ATAD5: variants seen among roughly 807,000 people sequenced by gnomAD.
The protein encoded by ATAD5 is ATPase family AAA domain-containing protein 5.
Under a neutral mutation model 176.9 loss-of-function variants are expected in ATAD5, and 58 were observed. That is an observed-to-expected ratio of 0.33 (90% CI 0.27 to 0.41). The LOEUF (loss-of-function observed/expected upper bound fraction) is 0.41. Among genes scored for constraint, ATAD5 ranks in the 10% least tolerant of loss-of-function variants. The probability of loss-of-function intolerance (pLI) is 1.00; values close to 1 mark genes in which losing one functional copy is unlikely to be tolerated. For synonymous variants in ATAD5, 640 were observed against 712.6 expected, an observed-to-expected ratio of 0.90 and a Z score of 1.62; for missense variants, 1,789 against 2,094.1, an observed-to-expected ratio of 0.85 and a Z score of 2.84.
intron 1 of ATAD5, among the ~76,000 whole-genome samples, chr17:30,833,911 A>G (rs1424496306): frequency 6.6e-6 from 1 of 152,068 alleles, no homozygotes; most frequent in Non-Finnish European, 1.5e-5. Flanking sequence ...CGAATTCCTG[A>G]CCTCAAGTGA....
At chr17:30,839,764 G>T (rs1449943634) in intron 3 of ATAD5, among the ~76,000 whole-genome samples, 1 of 150,468 alleles carries the variant, frequency 6.6e-6, no homozygotes, top group Non-Finnish European at 1.5e-5. Flanking sequence ...GTTATTTTTA[G>T]TAGAGACGGG....
In ATAD5 at chr17:30,893,717, A is replaced by G; in HGVS notation, c.4864A>G (p.Thr1622Ala). ...CAGAGACAAAGGAAACAATCCAGAG[A>G]CAAAGAAATCTATTCCTTGTCCTCC... Reference protein sequence around the residue: ...KARDKGNNPETKKSIPCPPKT... With the variant: ...KARDKGNNPEAKKSIPCPPKT... Residue 1622 changes from threonine to alanine, a missense_variant, in exon 21 of 23, where the codon ACA becomes GCA. Coordinates refer to ENST00000321990, the MANE Select transcript of ATAD5 (RefSeq NM_024857.5). The G allele has an allele frequency of 6.2e-7, 1 of 1,613,928 alleles. No homozygotes were observed. Among genetic ancestry groups the G allele is most frequent in the Non-Finnish European group, 8.5e-7 (1 of 1,179,918 alleles).
At chr17:30,844,189 C>T (rs1403792204) in intron 5 of ATAD5, 150 bp downstream of exon 5, 8 of 678,914 alleles carry the variant, frequency 1.2e-5, no homozygotes, top group South Asian at 4.0e-5. Context: ...AGTGCAGCGC[C>T]GGCGGGATCT....
intron 20 of ATAD5, 56 bp downstream of exon 20, chr17:30,892,844 A>C (rs1909711042): frequency 1.5e-6 from 2 of 1,331,994 alleles, no homozygotes; most frequent in Non-Finnish European, 2.0e-6. Context: ...CATATTCCCA[A>C]CATTAGCCTC....
At chr17:30,861,293 T>C (rs1446963490) in intron 10 of ATAD5, among the ~76,000 whole-genome samples, 1 of 149,826 alleles carries the variant, frequency 6.7e-6, no homozygotes, top group Non-Finnish European at 1.5e-5. Context: ...CTTCCATTCC[T>C]GGTAAATTCG....
intron 9 of ATAD5, among the ~76,000 whole-genome samples, chr17:30,859,183 G>A (rs1907466250): frequency 6.6e-6 from 1 of 152,084 alleles, no homozygotes; most frequent in Non-Finnish European, 1.5e-5. Context: ...ATTAATCCCC[G>A]CCAGTTTCCA....
intron 18 of ATAD5, among the ~76,000 whole-genome samples, chr17:30,880,050 C>T (rs1264383296): frequency 1.3e-5 from 2 of 151,938 alleles, no homozygotes; most frequent in South Asian, 4.1e-4. Flanking sequence ...GCCTGTAATC[C>T]CAGCACTTTG....
chr17:30,851,080 G>C (rs1343853041), intron 6 of ATAD5, among the ~76,000 whole-genome samples: 1 of 143,050 alleles, frequency 7.0e-6, no homozygotes, highest in Non-Finnish European at 1.5e-5. Flanking sequence ...GTAGAGATGG[G>C]GTTTCACCAT....
chr17:30,862,413 A>G (rs1907696662), intron 10 of ATAD5, among the ~76,000 whole-genome samples: 1 of 152,092 alleles, frequency 6.6e-6, no homozygotes, highest in Admixed American at 6.6e-5. Flanking sequence ...CATGTTTTAC[A>G]TATCTCTGAC....
chr17:30,874,989 T>A (rs572369077), intron 14 of ATAD5, among the ~76,000 whole-genome samples: 2 of 152,222 alleles, frequency 1.3e-5, no homozygotes, highest in African/African-American at 4.8e-5. Context: ...TGTTCTATAT[T>A]TTTGAAATGA....
At position 30,835,125 on chromosome 17, in the gene ATAD5, A is replaced by G. The variant is rs969738988; in HGVS notation, c.1044A>G (p.Gln348=). Residue 348 remains glutamine (Q), a synonymous_variant, in exon 2 of 23, where the codon CAA becomes CAG. Transcript: ENST00000321990. ...CCCGAATTTTCTTGAAACAAAAGCA[A>G]TTTGAAATGGAAAATAGTTTATCTG... ...KIPRIFLKQK[Q]FEMENSLSDP... 13 of 1,614,052 alleles carry G rather than the reference A, an allele frequency of 8.1e-6. No homozygotes were observed. In the African/African-American group the frequency reaches 9.3e-5, roughly 12 times the overall value.
chr17:30,865,898 A>G, intron 11 of ATAD5, 98 bp downstream of exon 11: 1 of 618,598 alleles, frequency 1.6e-6, no homozygotes, highest in Non-Finnish European at 2.5e-6. Flanking sequence ...ATCTCATGAT[A>G]AAATCTTCAA....
chr17:30,893,252 A>G (rs759119176), intron 20 of ATAD5, 42 bp from the exon 21 acceptor site: 27 of 1,524,070 alleles, frequency 1.8e-5, no homozygotes, highest in African/African-American at 8.3e-5. Context: ...TATTCAAACT[A>G]TGTACTGCTG....
intron 14 of ATAD5, among the ~76,000 whole-genome samples, chr17:30,874,957 T>C (rs1012198539): frequency 2.6e-5 from 4 of 152,042 alleles, no homozygotes; most frequent in African/African-American, 9.7e-5. Flanking sequence ...AGATATTGCA[T>C]CTCTTACCTG....
chr17:30,836,071 C>A, intron 2 of ATAD5, 23 bp downstream of exon 2: 1 of 1,542,934 alleles, frequency 6.5e-7, no homozygotes, highest in South Asian at 1.3e-5. Flanking sequence ...TTTGTTCTAA[C>A]GTTCTAGTAT....
rs771376758 is a variant in ATAD5, at chr17:30,876,444, T to C, written c.3678T>C (p.Ser1226=). ...RKVPPPSPKS[S]GPKRALPPKT... is the part of the protein sequence containing the mutation. ...TTCCTCCACCATCACCAAAAAGTAG[T>C]GGACCAAAGCGAGCACTTCCTCCCA... Residue 1226 remains serine (S), a synonymous_variant, in exon 15 of 23, where the codon AGT becomes AGC. Transcript: ENST00000321990. 6 of 1,609,464 alleles carry C rather than the reference T, an allele frequency of 3.7e-6. No individual in the cohort carries two copies. The highest frequency in any genetic ancestry group is 5.1e-6 in the Non-Finnish European group (6 of 1,177,460).
At position 30,856,982 on chromosome 17, in the gene ATAD5, C is replaced by A; in HGVS notation, c.2663C>A (p.Pro888His). ...TGTTGTTTGTGGCATTTGAAACCAC[C>A]CTCTTGTCCTCTCTTAACTAAATTT... ...DGCCLWHLKP[P>H]SCPLLTKFKE... The change falls in exon 8 of 23, where the codon CCC becomes CAC. Residue 888 changes from proline (P) to histidine (H), a missense_variant. Coordinates refer to ENST00000321990, the MANE Select transcript of ATAD5 (RefSeq NM_024857.5). The A allele has an allele frequency of 6.3e-7, 1 of 1,586,494 alleles. No individual in the cohort carries two copies. The highest frequency in any genetic ancestry group is 8.5e-7 in the Non-Finnish European group (1 of 1,171,472).
chr17:30,864,886 A>G (rs1273041870), intron 10 of ATAD5: 1 of 148,454 alleles, frequency 6.7e-6, no homozygotes, highest in Non-Finnish European at 1.5e-5. Context: ...TCTTTATCCA[A>G]TCCACCATTT....
chr17:30,832,518 G>A, intron 1 of ATAD5, 105 bp downstream of exon 1: 1 of 1,221,484 alleles, frequency 8.2e-7, no homozygotes, highest in Non-Finnish European at 1.1e-6. Context: ...GGGAAAGGTG[G>A]GACATTGTGA....
Sources: gnomAD v4.1 joint callset for allele counts (sites outside exome capture counted in the v4.1 genomes callset) on GRCh38, gnomAD v4.1.1 for gene constraint, MANE v1.5 for transcripts, NCBI Gene and HGNC (gene_info 2026-07-23, HGNC 2026-07-21) for gene names.